PSPC1: variants seen among roughly 807,000 people sequenced by gnomAD.
PSPC1 encodes the protein paraspeckle component 1, also known as paraspeckle protein 1.
PSPC1 carries 14 observed loss-of-function variants against 51.6 expected under a neutral mutation model. The observed-to-expected ratio is 0.27, with a 90% confidence interval of 0.18 to 0.42. PSPC1 has a LOEUF of 0.42. Ranked by LOEUF, PSPC1 falls within the 10% of genes least tolerant of loss-of-function variation. The pLI is 1.00. For synonymous variants in PSPC1, 193 were observed against 231.9 expected (o/e 0.83, Z 1.53); for missense variants, 406 against 701.1 (o/e 0.58, Z 4.75).
intron 2 of PSPC1, among the ~76,000 whole-genome samples, chr13:19,768,024 C>A (rs921272198): frequency 6.6e-6 from 1 of 151,728 alleles, no homozygotes; most frequent in Non-Finnish European, 1.5e-5. Flanking sequence ...TAGGGACCAG[C>A]CTGGGTGACA....
In PSPC1 at chr13:19,710,722, C is replaced by T. The variant is rs187439356; in HGVS notation, c.1159-1123G>A. ...TAAATGGAGATGTCCAAAGGTAATCCTAATGAAGCTACGGTACAATGAATG... is the reference window on the plus strand; with the variant it reads ...TAAATGGAGATGTCCAAAGGTAATCTTAATGAAGCTACGGTACAATGAATG... On this transcript the variant is annotated intron_variant, in intron 6 of 8. Transcript: ENST00000338910. 4.7e-3 allele frequency among the ~76,000 whole-genome samples: 714 copies of T among 152,200 alleles called. 5 individuals are homozygous for T. Among genetic ancestry groups the T allele is most frequent in the South Asian group, 0.027 (128 of 4,826 alleles).
At chr13:19,766,386 A>T (rs111670035) in intron 2 of PSPC1, among the ~76,000 whole-genome samples, 2 of 152,050 alleles carry the variant, frequency 1.3e-5, no homozygotes, top group Admixed American at 6.6e-5. Context: ...TCAATCTATC[A>T]ATCAATCAAT....
intron 6 of PSPC1, among the ~76,000 whole-genome samples, chr13:19,689,547 G>A (rs960896676): frequency 9.2e-5 from 14 of 151,958 alleles, no homozygotes; most frequent in South Asian, 2.1e-4. Flanking sequence ...CTTTGCATAC[G>A]CTGAATTATA....
chr13:19,694,984 A>G (rs1879035769), intron 6 of PSPC1, among the ~76,000 whole-genome samples: 1 of 152,214 alleles, frequency 6.6e-6, no homozygotes, highest in South Asian at 2.1e-4. Context: ...GGATGGGTCC[A>G]CTGTGTTCAC....
chr13:19,749,377 G>A (rs1221840426), intron 4 of PSPC1, among the ~76,000 whole-genome samples: 1 of 151,478 alleles, frequency 6.6e-6, no homozygotes. Flanking sequence ...AAAATTAGCT[G>A]GGCGTGGTAG....
chr13:19,690,269 C>A (rs947075436), intron 6 of PSPC1, among the ~76,000 whole-genome samples: 1 of 152,138 alleles, frequency 6.6e-6, no homozygotes, highest in African/African-American at 2.4e-5. Context: ...TTAACTGGAC[C>A]ATCAATGTCT....
chr13:19,769,717 A>G (rs1888441123), intron 2 of PSPC1, among the ~76,000 whole-genome samples: 1 of 152,126 alleles, frequency 6.6e-6, no homozygotes, highest in Non-Finnish European at 1.5e-5. Flanking sequence ...CCTGGGCAAC[A>G]AGAGCGAAAA....
Position 19,741,906 on chromosome 13 carries a change from C to A in PSPC1, c.968-257G>T, listed in dbSNP as rs938204776. 2.6e-5 allele frequency among the ~76,000 whole-genome samples: 4 copies of A among 151,980 alleles called. No homozygotes were observed. The South Asian group carries it at 8.3e-4, about 31-fold the overall frequency. The stretch of plus-strand genomic sequence containing the variant: ...CAGTAATTTGGGAGGCCAAGGCAGG[C>A]GTATCACTCGAGGCCAGGAGTTTGA... On this transcript the variant is annotated intron_variant, in intron 4 of 8. Transcript: ENST00000338910.
At chr13:19,724,337 T>C (rs1883110249) in intron 6 of PSPC1, among the ~76,000 whole-genome samples, 3 of 152,084 alleles carry the variant, frequency 2.0e-5, no homozygotes, top group South Asian at 2.1e-4. Context: ...TTTTACCAGA[T>C]AGAGTTTCTG....
intron 6 of PSPC1, among the ~76,000 whole-genome samples, chr13:19,690,268 C>T (rs914316018): frequency 6.6e-6 from 1 of 152,176 alleles, no homozygotes; most frequent in African/African-American, 2.4e-5. Context: ...ATTAACTGGA[C>T]CATCAATGTC....
intron 6 of PSPC1, among the ~76,000 whole-genome samples, chr13:19,725,103 G>A (rs138880696): frequency 0.014 from 2,179 of 152,284 alleles, 31 homozygotes; most frequent in Middle Eastern, 0.034. Context: ...CTTGCACCTG[G>A]GAGGCAGAGG....
chr13:19,728,402 A>G (rs1248238861), intron 6 of PSPC1, among the ~76,000 whole-genome samples: 1 of 151,480 alleles, frequency 6.6e-6, no homozygotes, highest in East Asian at 1.9e-4. Context: ...AGTGAAATAA[A>G]GAGAAAGCAC....
chr13:19,674,277 T>C (rs1049490087), downstream of PSPC1, among the ~76,000 whole-genome samples: 1 of 152,126 alleles, frequency 6.6e-6, no homozygotes, highest in Non-Finnish European at 1.5e-5. Flanking sequence ...ATAGGGATTC[T>C]GATAATGTTG....
chr13:19,765,338 A>ATTATT (rs1566044396), intron 2 of PSPC1, among the ~76,000 whole-genome samples: 3 of 141,722 alleles, frequency 2.1e-5, no homozygotes, highest in Admixed American at 7.0e-5. Context: ...TAATAATAAT[A>ATTATT]ATAATAATTA....
chr13:19,730,957 CAAA>C (rs1483772556), intron 5 of PSPC1, among the ~76,000 whole-genome samples: 1 of 36,956 alleles, frequency 2.7e-5, no homozygotes, highest in Non-Finnish European at 5.4e-5. Context: ...AAAAAAAAAA[CAAA>C]AAAACAAAAA....
chr13:19,691,722 C>G (rs1451327077), intron 6 of PSPC1, among the ~76,000 whole-genome samples: 1 of 152,076 alleles, frequency 6.6e-6, no homozygotes, highest in Non-Finnish European at 1.5e-5. Flanking sequence ...AGTTCAAGAC[C>G]AGCCTGGCCA....
intron 1 of PSPC1, among the ~76,000 whole-genome samples, chr13:19,776,108 G>T (rs2138343067): frequency 6.6e-6 from 1 of 152,120 alleles, no homozygotes; most frequent in Admixed American, 6.6e-5. Flanking sequence ...TTAATGGGGT[G>T]ATAATATGTA....
At chr13:19,691,655 T>G (rs879652345) in intron 6 of PSPC1, among the ~76,000 whole-genome samples, 1 of 151,832 alleles carries the variant, frequency 6.6e-6, no homozygotes, top group Non-Finnish European at 1.5e-5. Context: ...TGGTGAGTCA[T>G]TGCCTGTAAT....
intron 5 of PSPC1, among the ~76,000 whole-genome samples, chr13:19,739,211 C>G (rs897940044): frequency 6.6e-6 from 1 of 152,156 alleles, no homozygotes. Flanking sequence ...TTCCCTACCC[C>G]CTTTCAATGT....
Sources: gnomAD v4.1 joint callset for allele counts (sites outside exome capture counted in the v4.1 genomes callset) on GRCh38, gnomAD v4.1.1 for gene constraint, MANE v1.5 for transcripts, NCBI Gene and HGNC (gene_info 2026-07-23, HGNC 2026-07-21) for gene names.